Variants in RHOJ observed in about 807,000 individuals in gnomAD.
The protein encoded by RHOJ is rho-related GTP-binding protein RhoJ.
RHOJ carries 11 observed loss-of-function variants against 23.4 expected under a neutral mutation model. The observed-to-expected ratio is 0.47, with a 90% CI of 0.30 to 0.78. The LOEUF (loss-of-function observed/expected upper bound fraction) is 0.78, where lower values mean the gene tolerates loss of function less well. RHOJ is among the 30% of genes least tolerant of loss of function. The pLI is 0.08. For missense variants in RHOJ, 254 were observed against 273.4 expected (o/e 0.93, Z 0.50); for synonymous variants, 102 against 102.7 (o/e 0.99, Z 0.04).
intron 1 of RHOJ, among the ~76,000 whole-genome samples, chr14:63,229,569 CTGTT>C: frequency 6.6e-6 from 1 of 152,272 alleles, no homozygotes. Context: ...CAGCCAAGCA[CTGTT>C]CTCAGTTTCT....
At position 63,291,274 on chromosome 14, in the gene RHOJ, G is replaced by T; in HGVS notation, c.*250G>T. 2.0e-6 allele frequency: 1 copy of T among 508,616 alleles called. No individual in the cohort carries two copies. Among genetic ancestry groups the T allele is most frequent in the Non-Finnish European group, 3.6e-6 (1 of 279,482 alleles). The allele number at this position is 508,616 out of a possible 1,614,324, so 31.5% of individuals were successfully genotyped here. On this transcript the variant is annotated 3_prime_UTR_variant, in exon 5 of 5. Coordinates refer to ENST00000316754, the MANE Select transcript of RHOJ (RefSeq NM_020663.5). ...CTGGGCCTGGATTGCAGACAGTGCC[G>T]CTGCTGATCGCATCAAAAACAAAGT...
At chr14:63,206,738 G>C (rs1362314033) in intron 1 of RHOJ, among the ~76,000 whole-genome samples, 1 of 152,076 alleles carries the variant, frequency 6.6e-6, no homozygotes, top group African/African-American at 2.4e-5. Flanking sequence ...ATTCCACTAG[G>C]CTCCAATAAT....
chr14:63,214,536 G>C (rs1446699814), intron 1 of RHOJ, among the ~76,000 whole-genome samples: 1 of 152,196 alleles, frequency 6.6e-6, no homozygotes, highest in Non-Finnish European at 1.5e-5. Context: ...AAGGCCTTTA[G>C]TGCCTCTTGG....
intron 4 of RHOJ, chr14:63,288,210 A>C (rs1882142949): frequency 8.1e-6 from 8 of 985,430 alleles, no homozygotes; most frequent in Non-Finnish European, 9.6e-6. Flanking sequence ...TGGAAGAGAC[A>C]AGCTTGGGCT....
At chr14:63,230,221 G>T (rs1894666143) in intron 1 of RHOJ, among the ~76,000 whole-genome samples, 1 of 151,842 alleles carries the variant, frequency 6.6e-6, no homozygotes, top group Non-Finnish European at 1.5e-5. Context: ...ATTTCTATAG[G>T]TATCTAAGAC....
At chr14:63,280,327 T>C (rs1209762896) in intron 2 of RHOJ, among the ~76,000 whole-genome samples, 1 of 152,136 alleles carries the variant, frequency 6.6e-6, no homozygotes, top group Non-Finnish European at 1.5e-5. Context: ...CCTGGTCAGG[T>C]GAACTTTTGA....
chr14:63,222,166 A>G lies in RHOJ; in HGVS notation c.178+17119A>G, dbSNP rs148261254. Among the ~76,000 whole-genome samples the G allele has an allele frequency of 1.5e-3, 234 of 151,940 alleles. No homozygotes were observed. In the East Asian group the frequency reaches 0.035, roughly 22 times the overall value. On this transcript the variant is annotated intron_variant, in intron 1 of 4. Transcript: ENST00000316754. The stretch of plus-strand genomic sequence containing the variant: ...AAAGGACATGAACTCATCCTTATTT[A>G]TGGCTGCATAGTATTCCATGGTGTA...
intron 1 of RHOJ, among the ~76,000 whole-genome samples, chr14:63,246,375 G>A (rs1011205591): frequency 6.6e-6 from 1 of 152,132 alleles, no homozygotes; most frequent in African/African-American, 2.4e-5. Context: ...ATAATAATAA[G>A]CATCCAGAGG....
At position 63,253,401 on chromosome 14, in the gene RHOJ, A is replaced by AT. The variant is rs200795109; in HGVS notation, c.179-15696dup. Among the ~76,000 whole-genome samples the AT allele has an allele frequency of 6.5e-3, 948 of 146,040 alleles. 15 individuals are homozygous for AT. Among genetic ancestry groups the AT allele is most frequent in the East Asian group, 0.058 (291 of 5,048 alleles). ...CCTGCCTCAGCTTCCCAAGTAGCTA[A>AT]TTTTTTTTTTTTTAGAGATGGGGTT... On this transcript the variant is annotated intron_variant, in intron 1 of 4. Transcript: ENST00000316754.
At chr14:63,273,495 C>A (rs1376538324) in intron 2 of RHOJ, among the ~76,000 whole-genome samples, 3 of 152,204 alleles carry the variant, frequency 2.0e-5, no homozygotes, top group African/African-American at 7.2e-5. Flanking sequence ...ACCAAGTGGA[C>A]AGCAGGGTGT....
chr14:63,254,392 A>T (rs1216993836), intron 1 of RHOJ, among the ~76,000 whole-genome samples: 1 of 152,068 alleles, frequency 6.6e-6, no homozygotes, highest in African/African-American at 2.4e-5. Context: ...TCCCTAGCAG[A>T]GCTTTATCCG....
chr14:63,258,825 G>T (rs1460996926), intron 1 of RHOJ, among the ~76,000 whole-genome samples: 3 of 152,246 alleles, frequency 2.0e-5, no homozygotes, highest in Non-Finnish European at 4.4e-5. Context: ...TTTCAGGTGA[G>T]ATCAGAATGG....
At chr14:63,223,143 C>G (rs986003855) in intron 1 of RHOJ, among the ~76,000 whole-genome samples, 7 of 152,216 alleles carry the variant, frequency 4.6e-5, no homozygotes, top group Non-Finnish European at 8.8e-5. Context: ...TGAAGATGCT[C>G]CATCTTGGAG....
intron 1 of RHOJ, among the ~76,000 whole-genome samples, chr14:63,250,654 C>G (rs78969579): frequency 0.043 from 6,526 of 152,268 alleles, 247 homozygotes; most frequent in Non-Finnish European, 0.058. Context: ...CACACAAACA[C>G]TGTGCTTGCA....
At chr14:63,242,917 T>C (rs756991355) in intron 1 of RHOJ, among the ~76,000 whole-genome samples, 1 of 152,148 alleles carries the variant, frequency 6.6e-6, no homozygotes, top group Non-Finnish European at 1.5e-5. Flanking sequence ...TGATTAAAAA[T>C]TAAAGGTTCC....
At chr14:63,266,096 G>T (rs915202705) in intron 1 of RHOJ, among the ~76,000 whole-genome samples, 1 of 152,264 alleles carries the variant, frequency 6.6e-6, no homozygotes, top group African/African-American at 2.4e-5. Context: ...GAAAGGAAAA[G>T]GAATTTTCTA....
intron 1 of RHOJ, among the ~76,000 whole-genome samples, chr14:63,260,392 AT>A (rs1895251496): frequency 6.6e-6 from 1 of 152,166 alleles, no homozygotes; most frequent in Non-Finnish European, 1.5e-5. Flanking sequence ...CCTAAAATAA[AT>A]CTGGATAAGC....
intron 1 of RHOJ, among the ~76,000 whole-genome samples, chr14:63,233,900 A>C (rs1435429502): frequency 6.6e-6 from 1 of 152,216 alleles, no homozygotes; most frequent in Non-Finnish European, 1.5e-5. Context: ...CCCAGAATAG[A>C]GTTAGGAATC....
At chr14:63,250,879 C>CA (rs1895058839) in intron 1 of RHOJ, among the ~76,000 whole-genome samples, 2 of 152,006 alleles carry the variant, frequency 1.3e-5, no homozygotes, top group South Asian at 4.2e-4. Flanking sequence ...ACCAAAAATA[C>CA]AAAAAATTAG....
Sources: gnomAD v4.1 joint callset for allele counts (sites outside exome capture counted in the v4.1 genomes callset) on GRCh38, gnomAD v4.1.1 for gene constraint, MANE v1.5 for transcripts, NCBI Gene and HGNC (gene_info 2026-07-23, HGNC 2026-07-21) for gene names.